Variants in CSRP3 observed in about 807,000 individuals in gnomAD.
CSRP3 encodes the protein cysteine and glycine rich protein 3.
CSRP3 carries 24 observed loss-of-function variants against 24.3 expected under a neutral mutation model. The observed-to-expected ratio is 0.99, with a 90% confidence interval of 0.71 to 1.39. The LOEUF is 1.39. CSRP3 is among the 40% of genes most tolerant of loss of function. The pLI is 0.00. For synonymous variants in CSRP3, 105 were observed against 94.0 expected (o/e 1.12, Z -0.68); for missense variants, 240 against 249.0 (o/e 0.96, Z 0.24).
intron 5 of CSRP3, 52 bp downstream of exon 5, chr11:19,184,900 A>G: frequency 1.5e-6 from 2 of 1,299,790 alleles, no homozygotes; most frequent in South Asian, 2.4e-5. Flanking sequence ...TTCCTCTCCC[A>G]AGGGCCCTTT....
chr11:19,188,367 C>T, intron 2 of CSRP3, 63 bp from the exon 3 acceptor site: 2 of 1,574,456 alleles, frequency 1.3e-6, no homozygotes, highest in South Asian at 1.1e-5. Flanking sequence ...CTTTGCACTC[C>T]CAATGCCATG....
intron 1 of CSRP3, among the ~76,000 whole-genome samples, chr11:19,198,647 A>G (rs1300911049): frequency 6.6e-6 from 1 of 152,232 alleles, no homozygotes; most frequent in East Asian, 1.9e-4. Context: ...AAAGCTGCCC[A>G]ATGGGGTGCC....
chr11:19,193,773 G>A (rs1051625339), intron 1 of CSRP3, among the ~76,000 whole-genome samples: 1 of 152,142 alleles, frequency 6.6e-6, no homozygotes, highest in Non-Finnish European at 1.5e-5. Flanking sequence ...AACCAAGATT[G>A]TACCACTGCA....
At chr11:19,187,989 C>G (rs1394389135) in intron 3 of CSRP3, 147 bp downstream of exon 3, 1 of 932,912 alleles carries the variant, frequency 1.1e-6, no homozygotes, top group Non-Finnish European at 1.7e-6. Context: ...ATTGTTCAAA[C>G]TTGGTCAGAC....
At chr11:19,194,625 A>G (rs1054865979) in intron 1 of CSRP3, among the ~76,000 whole-genome samples, 3 of 152,216 alleles carry the variant, frequency 2.0e-5, no homozygotes, top group African/African-American at 4.8e-5. Context: ...CTAGGCTTCA[A>G]TGAGCTATGA....
chr11:19,183,678 C>T (rs995904429), intron 5 of CSRP3, among the ~76,000 whole-genome samples: 4 of 152,074 alleles, frequency 2.6e-5, no homozygotes, highest in Non-Finnish European at 5.9e-5. Context: ...GCTATGAAGG[C>T]TGAGGACCCC....
At chr11:19,194,761 A>G (rs1018634588) in intron 1 of CSRP3, among the ~76,000 whole-genome samples, 4 of 152,158 alleles carry the variant, frequency 2.6e-5, no homozygotes, top group African/African-American at 9.7e-5. Context: ...TGTTTAGGAA[A>G]CTAGAAAGAG....
chr11:19,194,979 T>C (rs932798023), intron 1 of CSRP3, among the ~76,000 whole-genome samples: 3 of 151,908 alleles, frequency 2.0e-5, no homozygotes, highest in African/African-American at 7.3e-5. Context: ...TAGACAAGAT[T>C]CAGAATGCTC....
chr11:19,195,636 T>C lies in CSRP3; in HGVS notation c.-28-3160A>G, dbSNP rs1850689940. Among the ~76,000 whole-genome samples the C allele has an allele frequency of 2.0e-5, 3 of 152,230 alleles. No homozygotes were observed. In the South Asian group the frequency reaches 6.2e-4, roughly 31 times the overall value. On this transcript the variant is annotated intron_variant, in intron 1 of 5. Transcript: ENST00000265968. ...GCAGTGGAGATTTCATTGGCATGTC[T>C]TGCAAGTTAATAGGAGACAGAGATA...
chr11:19,185,546 A>G (rs1850511063), intron 4 of CSRP3, among the ~76,000 whole-genome samples: 1 of 152,216 alleles, frequency 6.6e-6, no homozygotes. Flanking sequence ...CTGCGTGTCT[A>G]CCAGGTACAG....
Position 19,182,629 on chromosome 11 carries a change from T to C in CSRP3, c.*41A>G. 1 of 1,499,066 alleles carries C rather than the reference T, an allele frequency of 6.7e-7. No homozygotes were observed. The highest frequency in any genetic ancestry group is 9.3e-7 in the Non-Finnish European group (1 of 1,074,936). The allele number at this position is 1,499,066 out of a possible 1,614,324, so 92.9% of individuals were successfully genotyped here. On this transcript the variant is annotated 3_prime_UTR_variant, in exon 6 of 6. Coordinates refer to ENST00000265968, the MANE Select transcript of CSRP3 (RefSeq NM_003476.5). ...GATCTGTGCAGGATTACTTGGCAAG[T>C]GTTTTAGGCTCGCAAAAAATCTGAG... is the stretch of plus-strand genomic sequence containing the variant.
In CSRP3 at chr11:19,187,280, G is replaced by A. The variant is rs892645084; in HGVS notation, c.281+856C>T. 8.5e-5 allele frequency among the ~76,000 whole-genome samples: 13 copies of A among 152,326 alleles called. No individual in the cohort carries two copies. In the South Asian group the frequency reaches 2.3e-3, roughly 27 times the overall value. ...GATGACTAATCACACATCTCTCCAC[G>A]TTTCCATGCTCTCCTGTGGCTTACT... is the stretch of plus-strand genomic sequence containing the variant. On this transcript the variant is annotated intron_variant, in intron 3 of 5. Transcript: ENST00000265968.
intron 2 of CSRP3, 68 bp from the exon 3 acceptor site, chr11:19,188,372 G>T: frequency 6.4e-7 from 1 of 1,556,106 alleles, no homozygotes. Context: ...CACTCCCAAT[G>T]CCATGCTCGG....
At chr11:19,186,868 G>A (rs3781800) in intron 3 of CSRP3, among the ~76,000 whole-genome samples, 1 of 152,134 alleles carries the variant, frequency 6.6e-6, no homozygotes, top group South Asian at 2.1e-4. Context: ...GCCTCCAAGG[G>A]TCACCTGTCC....
chr11:19,183,912 G>T (rs1362363871), intron 5 of CSRP3, among the ~76,000 whole-genome samples: 1 of 152,158 alleles, frequency 6.6e-6, no homozygotes, highest in African/African-American at 2.4e-5. Context: ...TAAGCCTCAC[G>T]AGATCTGATG....
intron 2 of CSRP3, among the ~76,000 whole-genome samples, chr11:19,189,157 C>G (rs1850578032): frequency 6.6e-6 from 1 of 152,186 alleles, no homozygotes; most frequent in Non-Finnish European, 1.5e-5. Context: ...GTCTTTGCAT[C>G]TTCAACATCG....
intron 1 of CSRP3, among the ~76,000 whole-genome samples, chr11:19,197,568 T>TTTCTTTC (rs1850761165): frequency 1.4e-5 from 2 of 146,294 alleles, no homozygotes; most frequent in Admixed American, 7.0e-5. Context: ...TCTTTCTTTC[T>TTTCTTTC]TTCTTTCTTC....
At chr11:19,197,834 T>C (rs950709388) in intron 1 of CSRP3, among the ~76,000 whole-genome samples, 3 of 151,874 alleles carry the variant, frequency 2.0e-5, no homozygotes, top group Admixed American at 6.6e-5. Context: ...TATATATATA[T>C]ATATATGGAA....
chr11:19,187,993 G>T, intron 3 of CSRP3, 143 bp downstream of exon 3: 1 of 973,474 alleles, frequency 1.0e-6, no homozygotes, highest in Non-Finnish European at 1.6e-6. Context: ...TTCAAACTTG[G>T]TCAGACTGAG....
Sources: gnomAD v4.1 joint callset for allele counts (sites outside exome capture counted in the v4.1 genomes callset) on GRCh38, gnomAD v4.1.1 for gene constraint, MANE v1.5 for transcripts, NCBI Gene and HGNC (gene_info 2026-07-23, HGNC 2026-07-21) for gene names.